SPINK1: variants seen among roughly 807,000 people sequenced by gnomAD.
SPINK1 encodes the protein serine protease inhibitor Kazal-type 1.
In SPINK1, 5 loss-of-function variants were observed where a neutral mutation model predicts 9.5. The observed-to-expected ratio is 0.52, with a 90% CI of 0.27 to 1.10. SPINK1 has a LOEUF of 1.10. SPINK1 is among the 50% of genes least tolerant of loss of function. SPINK1 has a pLI of 0.11. For missense variants in SPINK1, 88 were observed against 92.7 expected, an observed-to-expected ratio of 0.95 and a Z score of 0.21; for synonymous variants, 37 against 32.3, an observed-to-expected ratio of 1.14 and a Z score of -0.49.
rs1490153029 is a variant in SPINK1, at chr5:147,824,681, G to T, written c.220C>A (p.Gln74Lys). 4 of 1,613,904 alleles carry T rather than the reference G, an allele frequency of 2.5e-6. No homozygotes were observed. The highest frequency in any genetic ancestry group is 1.3e-5 in the African/African-American group (1 of 74,884). The change falls in exon 4 of 4, where the codon CAA (glutamine) becomes AAA (lysine). Residue 74 changes from glutamine (Q) to lysine (K), a missense_variant. Physicochemically the swap from Gln to Lys is moderately conservative, Grantham distance 53 (BLOSUM62 1). Coordinates refer to ENST00000296695, the MANE Select transcript of SPINK1 (RefSeq NM_001379610.1). ...GGTTCTCAGCAAGGCCCAGATTTTT[G>T]AATGAGGATAGAAGTCTGGCGTTTC... Reference protein sequence around the residue: ...NRKRQTSILIQKSGPC With the variant: ...NRKRQTSILIKKSGPC
chr5:147,836,200 ATTG>A (rs1756592043), upstream of SPINK1, among the ~76,000 whole-genome samples: 1 of 151,870 alleles, frequency 6.6e-6, no homozygotes, highest in African/African-American at 2.4e-5. Context: ...TCCTGATATC[ATTG>A]TTATTTCTCT....
intron 2 of SPINK1, 49 bp downstream of exon 2, chr5:147,829,550 A>G (rs1263743475): frequency 6.3e-7 from 1 of 1,582,020 alleles, no homozygotes; most frequent in Non-Finnish European, 8.7e-7. Flanking sequence ...TTTTTGTTGG[A>G]TCAAACTGTT....
the SPINK1 span, among the ~76,000 whole-genome samples, chr5:147,836,732 T>C: frequency 6.6e-6 from 1 of 152,208 alleles, no homozygotes; most frequent in Non-Finnish European, 1.5e-5. Flanking sequence ...TCTTTCTTGG[T>C]CATTTCCCGC....
chr5:147,831,480 T>C, intron 1 of SPINK1, 43 bp downstream of exon 1: 1 of 1,611,038 alleles, frequency 6.2e-7, no homozygotes, highest in African/African-American at 1.3e-5. Context: ...AAGCAACAGG[T>C]CAAAACAGTT....
upstream of SPINK1, among the ~76,000 whole-genome samples, chr5:147,834,563 G>A (rs530863798): frequency 6.6e-6 from 1 of 152,198 alleles, no homozygotes; most frequent in South Asian, 2.1e-4. Context: ...TATTTAAATA[G>A]TAGTTTTGTG....
intron 1 of SPINK1, 52 bp downstream of exon 1, chr5:147,831,471 A>T (rs1660956326): frequency 3.6e-5 from 58 of 1,609,440 alleles, no homozygotes; most frequent in Non-Finnish European, 4.8e-5. Flanking sequence ...TGCTTCACAA[A>T]GCAACAGGTC....
rs1200457891 is a variant in SPINK1 at position 147,829,149 on chromosome 5, AGG to A, written c.87+448_87+449del. 9.7e-3 allele frequency among the ~76,000 whole-genome samples: 1,481 copies of A among 152,286 alleles called. 15 individuals carry two copies. The highest frequency in any genetic ancestry group is 0.032 in the African/African-American group (1,321 of 41,560). ...ACCTCTTAAACAAAAAAATATGAAA[AGG>A]TTAGAGTTAGAATATTTTTCTAGAA... On this transcript the variant is annotated intron_variant, in intron 2 of 3. Coordinates refer to ENST00000296695, the MANE Select transcript of SPINK1 (RefSeq NM_001379610.1).
intron 2 of SPINK1, among the ~76,000 whole-genome samples, chr5:147,828,463 G>T (rs113145575): frequency 1.1e-4 from 16 of 152,272 alleles, no homozygotes; most frequent in African/African-American, 3.6e-4. Context: ...GTTCAAGTTT[G>T]CAATTACTGC....
intron 3 of SPINK1, chr5:147,827,021 A>G (rs1274799725): frequency 6.6e-6 from 1 of 152,086 alleles, no homozygotes; most frequent in Non-Finnish European, 1.5e-5. Flanking sequence ...TTAACCTGGC[A>G]TGCTCTTTTG....
chr5:147,831,732 G>A, upstream of SPINK1: 4 of 1,498,678 alleles, frequency 2.7e-6, no homozygotes, highest in Non-Finnish European at 3.5e-6. Flanking sequence ...GATTGACTCT[G>A]TGTCATAGCC....
At chr5:147,829,547 T>A in intron 2 of SPINK1, 52 bp downstream of exon 2, 1 of 1,576,224 alleles carries the variant, frequency 6.3e-7, no homozygotes, top group South Asian at 1.1e-5. Flanking sequence ...GCATTTTTGT[T>A]GGATCAAACT....
chr5:147,834,343 T>C (rs906715377), upstream of SPINK1, among the ~76,000 whole-genome samples: 1 of 152,184 alleles, frequency 6.6e-6, no homozygotes, highest in Non-Finnish European at 1.5e-5. Context: ...CATTCATTGG[T>C]TCACCATTCG....
intron 1 of SPINK1, among the ~76,000 whole-genome samples, chr5:147,829,967 T>C (rs1399412482): frequency 2.0e-5 from 3 of 152,224 alleles, no homozygotes; most frequent in Non-Finnish European, 4.4e-5. Context: ...TTTTGAATAC[T>C]CACAAACATT....
At chr5:147,828,201 G>T in intron 2 of SPINK1, 73 bp from the exon 3 acceptor site, 2 of 1,153,210 alleles carry the variant, frequency 1.7e-6, no homozygotes, top group African/African-American at 1.5e-5. Context: ...TCTCTGAAAT[G>T]GTTTTATTTC....
At chr5:147,825,537 G>A (rs1208049300) in intron 3 of SPINK1, among the ~76,000 whole-genome samples, 4 of 151,716 alleles carry the variant, frequency 2.6e-5, no homozygotes, top group South Asian at 4.2e-4. Context: ...CACCTCCCGG[G>A]TTCAAGTGAT....
In SPINK1 at chr5:147,829,642, T is replaced by C; in HGVS notation, c.56-12A>G. 6.2e-7 allele frequency: 1 copy of C among 1,611,338 alleles called. No individual in the cohort carries two copies. The highest frequency in any genetic ancestry group is 8.5e-7 in the Non-Finnish European group (1 of 1,177,936). On this transcript the variant is annotated splice_polypyrimidine_tract_variant and intron_variant, in intron 1 of 3. Transcript: ENST00000296695. ...AGCTCCAGTGTTACCTAGAAATAAA[T>C]CAGATATGGTAAGTTGGGTCCTAAA...
At chr5:147,837,669 CTT>C in the SPINK1 span, among the ~76,000 whole-genome samples, 1 of 138,882 alleles carries the variant, frequency 7.2e-6, no homozygotes, top group Non-Finnish European at 1.6e-5. Flanking sequence ...TTCTTTCTTT[CTT>C]TCTTTCTTTC....
chr5:147,825,727 C>G (rs551838059), intron 3 of SPINK1, among the ~76,000 whole-genome samples: 52 of 152,304 alleles, frequency 3.4e-4, no homozygotes, highest in Non-Finnish European at 5.9e-4. Context: ...AGGCATGAGC[C>G]ACCATGCCCA....
At chr5:147,829,414 T>C (rs1300762197) in intron 2 of SPINK1, among the ~76,000 whole-genome samples, 185 bp downstream of exon 2, 3 of 152,178 alleles carry the variant, frequency 2.0e-5, no homozygotes, top group African/African-American at 7.2e-5. Context: ...ATCAGTGAAA[T>C]TGTCCTTCAA....
Sources: allele counts gnomAD v4.1 joint callset (sites outside exome capture counted in the v4.1 genomes callset), GRCh38; gene constraint gnomAD v4.1.1; transcripts MANE v1.5; gene names NCBI Gene and HGNC (gene_info 2026-07-23, HGNC 2026-07-21).